CFAP74: variants seen among roughly 807,000 people sequenced by gnomAD.
CFAP74 encodes cilia- and flagella-associated protein 74.
CFAP74 carries 124 observed loss-of-function variants against 188.9 expected under a neutral mutation model. That is an observed-to-expected ratio of 0.66 (90% CI 0.57 to 0.76). The LOEUF is 0.76. Ranked by LOEUF, CFAP74 falls within the 30% of genes least tolerant of loss-of-function variation. The pLI is 0.00. For missense variants in CFAP74, 2,198 were observed against 2,165.2 expected, an observed-to-expected ratio of 1.02 and a Z score of -0.30; for synonymous variants, 956 against 916.7, an observed-to-expected ratio of 1.04 and a Z score of -0.77.
At chr1:1,962,005 G>T (rs921797548) in intron 14 of CFAP74, among the ~76,000 whole-genome samples, 47 of 152,068 alleles carry the variant, frequency 3.1e-4, no homozygotes, top group African/African-American at 1.1e-3. Flanking sequence ...AGCAAGGGGG[G>T]AATGAGGATC....
chr1:2,003,435 T>A (rs757975785), intron 1 of CFAP74, among the ~76,000 whole-genome samples: 9 of 152,232 alleles, frequency 5.9e-5, no homozygotes, highest in Non-Finnish European at 1.3e-4. Context: ...GGCCCTTGAT[T>A]TTTGTTTAAT....
rs1471464743 is a variant in CFAP74 at position 1,968,662 on chromosome 1, G to T, written c.1218C>A (p.Thr406=). 6.2e-7 allele frequency: 1 copy of T among 1,604,158 alleles called. No individual in the cohort carries two copies. The highest frequency in any genetic ancestry group is 8.5e-7 in the Non-Finnish European group (1 of 1,175,082). The change falls in exon 11 of 39, where the codon ACC becomes ACA. Residue 406 remains threonine (T), a synonymous_variant. Coordinates refer to ENST00000682832, the MANE Select transcript of CFAP74 (RefSeq NM_001304360.2). This position sits in a 1 kb window ranked among gnomAD's most constrained non-coding sequence, Gnocchi z 4.3. ...WNYISDFCKK[T]TVPTNTYTLD... Reference sequence around the variant, plus strand: ...GTGTGTACGTGTTGGTTGGGACTGTGGTCTTCTTGCAAAAGTCAGAAATGT... The same window carrying T: ...GTGTGTACGTGTTGGTTGGGACTGTTGTCTTCTTGCAAAAGTCAGAAATGT...
chr1:1,931,432 TAAAAAA>T (rs34892654), intron 25 of CFAP74, among the ~76,000 whole-genome samples: 11 of 75,380 alleles, frequency 1.5e-4, no homozygotes, highest in Middle Eastern at 0.019. Flanking sequence ...CCCATCTCAA[TAAAAAA>T]AAAAAAAAAA....
chr1:1,941,429 G>A (rs1653367881), intron 22 of CFAP74, among the ~76,000 whole-genome samples: 1 of 152,244 alleles, frequency 6.6e-6, no homozygotes, highest in African/African-American at 2.4e-5. Flanking sequence ...AGAAATCAAA[G>A]TTCACCTGGC....
intron 14 of CFAP74, among the ~76,000 whole-genome samples, chr1:1,961,168 C>T (rs113378578): frequency 0.016 from 2,413 of 152,152 alleles, 65 homozygotes; most frequent in African/African-American, 0.055. Context: ...ATTTCCAACC[C>T]GACGGGGAGG....
At chr1:1,927,507 T>C (rs1176285688) in intron 28 of CFAP74, 100 bp downstream of exon 28, 4 of 1,171,736 alleles carry the variant, frequency 3.4e-6, no homozygotes, top group Non-Finnish European at 4.7e-6. Flanking sequence ...ACATGGGTCA[T>C]TCCGGGCAAT....
Position 1,966,478 on chromosome 1 carries a change from C to A in CFAP74, c.1294G>T (p.Val432Phe). 1 of 1,600,560 alleles carries A rather than the reference C, an allele frequency of 6.2e-7. No individual in the cohort carries two copies. Among genetic ancestry groups the A allele is most frequent in the Non-Finnish European group, 8.5e-7 (1 of 1,171,832 alleles). The part of the protein sequence containing the change: ...GPGPSRLLEV[V>F]SSELIQGDPG... ...TCCCCCTGGATAAGCTCACTGGAAA[C>A]GACTTCCAGCAACCGAGAGGGCCCG... Residue 432 changes from valine (V) to phenylalanine (F), a missense_variant, in exon 12 of 39, where the codon GTT becomes TTT. Transcript: ENST00000682832.
In CFAP74 at chr1:1,938,897, T is replaced by G. The variant is rs1188504614; in HGVS notation, c.2969A>C (p.Glu990Ala). 2 of 1,536,182 alleles carry G rather than the reference T, an allele frequency of 1.3e-6. No homozygotes were observed. Among genetic ancestry groups the G allele is most frequent in the South Asian group, 2.4e-5 (2 of 84,064 alleles). Residue 990 changes from glutamate (E) to alanine (A), a missense_variant, in exon 25 of 39, where the codon GAG becomes GCG. Physicochemically the swap from Glu to Ala is moderately radical, Grantham distance 107 (BLOSUM62 -1). Transcript: ENST00000682832. ...FCVIFQPTKA[E>A]EHRFQLTCKS... is the part of the protein sequence containing the mutation. The stretch of plus-strand genomic sequence containing the variant: ...GCAGGTCAGTTGGAATCTGTGTTCC[T>G]CGGCCTTGGTGGGCTGGAAGATCAC...
In CFAP74 at chr1:1,930,238, G is replaced by C. The variant is rs1162383703; in HGVS notation, c.3110C>G (p.Ser1037Cys). Residue 1037 changes from serine (S) to cysteine (C), a missense_variant, in exon 26 of 39, where the codon TCC becomes TGC. By Grantham distance (112) the Ser-to-Cys change is moderately radical. Coordinates refer to ENST00000682832, the MANE Select transcript of CFAP74 (RefSeq NM_001304360.2). Reference sequence around the variant, plus strand: ...GTTGATGACGTACACTGTAGCCACGGAGGTGTCGTATAGGGCCGTGGCGGC... The same window carrying C: ...GTTGATGACGTACACTGTAGCCACGCAGGTGTCGTATAGGGCCGTGGCGGC... The part of the protein sequence containing the change: ...KFAATALYDT[S>C]VATVYVINSH... 8 of 1,535,642 alleles carry C rather than the reference G, an allele frequency of 5.2e-6. No homozygotes were observed. The highest frequency in any genetic ancestry group is 7.0e-6 in the Non-Finnish European group (8 of 1,146,748).
At chr1:1,979,882 G>T (rs1388090109) in intron 6 of CFAP74, among the ~76,000 whole-genome samples, 1 of 141,682 alleles carries the variant, frequency 7.1e-6, no homozygotes, top group African/African-American at 2.6e-5. Context: ...CAGAACACAC[G>T]TGTCGTGCTG....
intron 2 of CFAP74, among the ~76,000 whole-genome samples, chr1:1,990,541 G>A (rs1657508878): frequency 6.6e-6 from 1 of 152,032 alleles, no homozygotes; most frequent in African/African-American, 2.4e-5. Flanking sequence ...ACCAAATCAA[G>A]GCACGTCTCA....
intron 1 of CFAP74, among the ~76,000 whole-genome samples, chr1:2,000,186 T>A (rs1247554191): frequency 6.6e-6 from 1 of 151,976 alleles, no homozygotes; most frequent in Non-Finnish European, 1.5e-5. Flanking sequence ...AAAGAAAACC[T>A]ACAAAGTAGA....
intron 25 of CFAP74, among the ~76,000 whole-genome samples, chr1:1,931,435 A>T (rs905669908): frequency 4.8e-5 from 6 of 124,236 alleles, no homozygotes; most frequent in African/African-American, 1.6e-4. Context: ...ATCTCAATAA[A>T]AAAAAAAAAA....
Position 1,968,050 on chromosome 1 carries a change from CAGTG to C in CFAP74, c.1245+581_1245+584del, listed in dbSNP as rs59749006. Among the ~76,000 whole-genome samples, 2,488 of 151,418 alleles carry C rather than the reference CAGTG, an allele frequency of 0.016. 66 individuals are homozygous for C. The highest frequency in any genetic ancestry group is 0.057 in the African/African-American group (2,348 of 41,180). On this transcript the variant is annotated intron_variant, in intron 11 of 38. Coordinates refer to ENST00000682832, the MANE Select transcript of CFAP74 (RefSeq NM_001304360.2). This position sits in a 1 kb window ranked among gnomAD's most constrained non-coding sequence, Gnocchi z 4.3. ...TGAATGAGTGAATGAATAAGTGTAT[CAGTG>C]AGTGAGTGAATGAATGAGTGAATGA... is the stretch of plus-strand genomic sequence containing the variant.
At chr1:1,959,074 GC>G (rs1166028798) in intron 16 of CFAP74, 45 bp downstream of exon 16, 1 of 1,397,496 alleles carries the variant, frequency 7.2e-7, no homozygotes, top group South Asian at 1.2e-5. Flanking sequence ...GGGGTTCCCA[GC>G]CAGCATGCCC....
rs777110891 is a variant in CFAP74, at chr1:1,959,125, A to G, written c.1846T>C (p.Cys616Arg). ...TCGGACACCTTTGAACTCACCGAAC[A>G]TTTCTTTGTTGAACATTTCAGTGGA... The part of the protein sequence containing the change: ...SVPLKCSTKK[C>R]SLSLDKELID... The change falls in exon 16 of 39, where the codon TGT (cysteine) becomes CGT (arginine). Residue 616 changes from cysteine (C) to arginine (R), a missense_variant. Cys to Arg is a radical substitution (Grantham distance 180, BLOSUM62 -3). Transcript: ENST00000682832. The G allele has an allele frequency of 6.2e-7, 1 of 1,610,236 alleles. No individual in the cohort carries two copies. Among genetic ancestry groups the G allele is most frequent in the African/African-American group, 1.3e-5 (1 of 74,832 alleles).
chr1:1,924,660 G>A (rs1264852926), intron 33 of CFAP74, 140 bp from the exon 34 acceptor site: 11 of 849,256 alleles, frequency 1.3e-5, no homozygotes, highest in East Asian at 9.1e-5. Context: ...GCCAGCACAC[G>A]TGGCGGTTTA....
At chr1:1,971,257 A>G (rs1656021065) in intron 9 of CFAP74, among the ~76,000 whole-genome samples, 1 of 147,464 alleles carries the variant, frequency 6.8e-6, no homozygotes, top group Admixed American at 6.7e-5. Context: ...ACACTCACGC[A>G]TGCACACACA....
chr1:1,995,873 A>C (rs1478668876), intron 1 of CFAP74, among the ~76,000 whole-genome samples: 5 of 152,110 alleles, frequency 3.3e-5, no homozygotes, highest in Non-Finnish European at 7.4e-5. Flanking sequence ...GCACCACTGC[A>C]CTCCAGCCTG....
Sources: gnomAD v4.1 joint callset for allele counts (sites outside exome capture counted in the v4.1 genomes callset) on GRCh38, gnomAD v4.1.1 for gene constraint, Gnocchi (gnomAD v3.1) non-coding constraint, MANE v1.5 for transcripts, NCBI Gene and HGNC (gene_info 2026-07-23, HGNC 2026-07-21) for gene names.